The following COL21A1 variants were observed in gnomAD, a reference collection of about 807,000 sequenced individuals.
COL21A1 encodes the protein collagen type XXI alpha 1 chain.
A neutral mutation model predicts 137.9 loss-of-function variants in COL21A1; 149 were observed. That is an observed-to-expected ratio of 1.08 (90% CI 0.95 to 1.24). The LOEUF (loss-of-function observed/expected upper bound fraction) is 1.24, where lower values mean the gene tolerates loss of function less well. Among genes scored for constraint, COL21A1 ranks in the 50% most tolerant of loss-of-function variants. COL21A1 has a pLI of 0.00. For synonymous variants in COL21A1, 456 were observed against 391.5 expected, an observed-to-expected ratio of 1.16 and a Z score of -1.95; for missense variants, 1,167 against 1,158.4, an observed-to-expected ratio of 1.01 and a Z score of -0.11.
At chr6:56,075,154 T>TA (rs1336464219) in intron 19 of COL21A1, among the ~76,000 whole-genome samples, 1 of 151,354 alleles carries the variant, frequency 6.6e-6, no homozygotes, top group Non-Finnish European at 1.5e-5. Context: ...TAATTTAAAA[T>TA]AAAAAAATCA....
At chr6:56,091,679 T>C (rs1055244326) in intron 17 of COL21A1, 1 of 152,464 alleles carries the variant, frequency 6.6e-6, no homozygotes, top group Non-Finnish European at 1.5e-5. Context: ...GATTGCCTGA[T>C]GAAAATGTTA....
chr6:56,290,151 C>A (rs1398498246), intron 1 of COL21A1, among the ~76,000 whole-genome samples: 2 of 152,122 alleles, frequency 1.3e-5, no homozygotes, highest in African/African-American at 4.8e-5. Context: ...AGGTTTGGCA[C>A]AACAGAATGA....
At chr6:56,196,599 G>A (rs1397161485) in intron 1 of COL21A1, among the ~76,000 whole-genome samples, 1 of 151,834 alleles carries the variant, frequency 6.6e-6, no homozygotes, top group Non-Finnish European at 1.5e-5. Context: ...ATTAAGAAAG[G>A]AATATAATTT....
chr6:56,079,951 A>T (rs181755922), intron 17 of COL21A1, among the ~76,000 whole-genome samples: 39 of 151,810 alleles, frequency 2.6e-4, no homozygotes, highest in Admixed American at 2.0e-3. Flanking sequence ...TACCACAAGC[A>T]TGCACAGAAT....
At chr6:56,322,875 C>G (rs73745463) in intron 1 of COL21A1, among the ~76,000 whole-genome samples, 2,618 of 112,682 alleles carry the variant, frequency 0.023, 89 homozygotes, top group African/African-American at 0.071. Context: ...CAAAACCATC[C>G]TCTGCTATCA....
At chr6:56,190,887 C>T (rs570753411) in intron 1 of COL21A1, among the ~76,000 whole-genome samples, 141 of 152,288 alleles carry the variant, frequency 9.3e-4, no homozygotes, top group African/African-American at 3.3e-3. Context: ...CAAAATTCAA[C>T]ACCCCTTCAT....
At chr6:56,175,430 A>G (rs1189513686) in intron 3 of COL21A1, among the ~76,000 whole-genome samples, 4 of 152,160 alleles carry the variant, frequency 2.6e-5, no homozygotes, top group Non-Finnish European at 4.4e-5. Flanking sequence ...TGGTTAGAAG[A>G]AACCAATTAA....
chr6:56,074,048 C>T (rs991485500), intron 20 of COL21A1, among the ~76,000 whole-genome samples, 184 bp downstream of exon 20: 16 of 151,348 alleles, frequency 1.1e-4, no homozygotes, highest in Admixed American at 5.3e-4. Context: ...ACAGGATGAG[C>T]TTTACTTTAG....
At chr6:56,359,947 C>G (rs1357848695) in intron 1 of COL21A1, among the ~76,000 whole-genome samples, 1 of 152,124 alleles carries the variant, frequency 6.6e-6, no homozygotes, top group Non-Finnish European at 1.5e-5. Context: ...AATAAACTAG[C>G]AAGATATGAT....
chr6:56,264,236 C>T (rs1763346160), intron 1 of COL21A1, among the ~76,000 whole-genome samples: 2 of 152,168 alleles, frequency 1.3e-5, no homozygotes, highest in Non-Finnish European at 2.9e-5. Context: ...CATAACACGT[C>T]CATTCCCATT....
At chr6:56,263,428 C>G (rs1477019987) in intron 1 of COL21A1, among the ~76,000 whole-genome samples, 1 of 152,056 alleles carries the variant, frequency 6.6e-6, no homozygotes, top group Non-Finnish European at 1.5e-5. Context: ...TTGAAATACT[C>G]TATGGAGTAG....
intron 1 of COL21A1, among the ~76,000 whole-genome samples, chr6:56,314,976 T>C (rs1764699746): frequency 6.6e-6 from 1 of 152,186 alleles, no homozygotes; most frequent in South Asian, 2.1e-4. Flanking sequence ...AGCAGTATTA[T>C]GGGGTGTTAC....
intron 12 of COL21A1, among the ~76,000 whole-genome samples, chr6:56,130,168 TATATATA>T (rs1773416495): frequency 1.3e-5 from 1 of 79,588 alleles, no homozygotes; most frequent in Non-Finnish European, 2.5e-5. Context: ...CAGGGTTTTA[TATATATA>T]TATATATATA....
At position 56,392,337 on chromosome 6, in the gene COL21A1, C is replaced by CA. The variant is rs1380880209; in HGVS notation, c.-39+1633dup. Among the ~76,000 whole-genome samples the CA allele has an allele frequency of 2.0e-5, 3 of 152,084 alleles. No homozygotes were observed. The East Asian group carries it at 5.8e-4, about 29-fold the overall frequency. On this transcript the variant is annotated intron_variant, in intron 1 of 28. Coordinates refer to the COL21A1 transcript ENST00000370819. ...CCCTCAGAAATGGGTATAGAAGGAA[C>CA]ATACCTCAACAATATAAAAGCCATA...
chr6:56,314,157 T>G (rs2152340102), intron 1 of COL21A1, among the ~76,000 whole-genome samples: 1 of 152,242 alleles, frequency 6.6e-6, no homozygotes, highest in African/African-American at 2.4e-5. Flanking sequence ...GCTGATTTTT[T>G]GTATTTTAGT....
At chr6:56,321,915 G>A (rs72871785) in intron 1 of COL21A1, among the ~76,000 whole-genome samples, 8,523 of 152,198 alleles carry the variant, frequency 0.056, 319 homozygotes, top group Non-Finnish European at 0.083. Context: ...TGAGCTGAGC[G>A]AAACATTTTT....
chr6:56,283,883 CT>C (rs1763843131), intron 1 of COL21A1, among the ~76,000 whole-genome samples: 2 of 150,758 alleles, frequency 1.3e-5, no homozygotes, highest in Non-Finnish European at 3.0e-5. Context: ...CACTCTCTCT[CT>C]CTCTCTCTCT....
At chr6:56,216,733 A>G (rs1035262158) in intron 1 of COL21A1, among the ~76,000 whole-genome samples, 1 of 152,056 alleles carries the variant, frequency 6.6e-6, no homozygotes, top group African/African-American at 2.4e-5. Context: ...CTTTCCTGAC[A>G]TATCTTTTTA....
chr6:56,164,703 T>C (rs1776441457), intron 8 of COL21A1, 111 bp downstream of exon 8: 4 of 920,990 alleles, frequency 4.3e-6, no homozygotes, highest in Non-Finnish European at 4.9e-6. Flanking sequence ...TGAAGTTACA[T>C]AAAAATGGGT....
Sources: gnomAD v4.1 joint callset for allele counts (sites outside exome capture counted in the v4.1 genomes callset) on GRCh38, gnomAD v4.1.1 for gene constraint, MANE v1.5 for transcripts, NCBI Gene and HGNC (gene_info 2026-07-23, HGNC 2026-07-21) for gene names.